Variants in ADGRL2 observed in about 807,000 individuals in gnomAD.
ADGRL2 encodes the protein calcium-independent alpha-latrotoxin receptor 2.
Under a neutral mutation model 157.4 loss-of-function variants are expected in ADGRL2, and 44 were observed. The ratio of observed to expected loss-of-function variants is 0.28; its 90% CI spans 0.22 to 0.36. ADGRL2 has a LOEUF of 0.36. ADGRL2 is among the 10% of genes least tolerant of loss of function. ADGRL2 has a pLI of 1.00. For missense variants in ADGRL2, 1,510 were observed against 1,768.9 expected, an observed-to-expected ratio of 0.85 and a Z score of 2.63; for synonymous variants, 585 against 624.7, an observed-to-expected ratio of 0.94 and a Z score of 0.95.
chr1:81,839,801 AT>A (rs979925117), intron 2 of ADGRL2, among the ~76,000 whole-genome samples: 1 of 141,844 alleles, frequency 7.1e-6, no homozygotes, highest in Admixed American at 7.1e-5. Context: ...ATATATATAT[AT>A]TTTCCATCAT....
At chr1:81,677,439 G>A (rs1178501483) in intron 3 of ADGRL2, among the ~76,000 whole-genome samples, 1 of 152,072 alleles carries the variant, frequency 6.6e-6, no homozygotes, top group Non-Finnish European at 1.5e-5. Context: ...GGTAAGATTC[G>A]AATAAACTAG....
At chr1:81,773,225 C>T (rs886435192) in intron 2 of ADGRL2, among the ~76,000 whole-genome samples, 4 of 152,172 alleles carry the variant, frequency 2.6e-5, no homozygotes, top group Admixed American at 1.3e-4. Context: ...TCCTAGGGAT[C>T]CATGAACCAG....
intron 2 of ADGRL2, among the ~76,000 whole-genome samples, chr1:81,838,557 T>C (rs111992356): frequency 2.0e-5 from 3 of 152,124 alleles, no homozygotes; most frequent in African/African-American, 7.2e-5. Context: ...AAATCTTGTG[T>C]GTAGTCTGAT....
intron 2 of ADGRL2, among the ~76,000 whole-genome samples, chr1:81,891,256 C>T (rs1432097351): frequency 2.0e-5 from 3 of 151,444 alleles, no homozygotes; most frequent in Non-Finnish European, 3.0e-5. Flanking sequence ...TGATGTTTTG[C>T]ATCATATTCC....
chr1:81,559,887 A>G (rs1300368994), intron 2 of ADGRL2, among the ~76,000 whole-genome samples: 1 of 144,758 alleles, frequency 6.9e-6, no homozygotes, highest in Non-Finnish European at 1.6e-5. Context: ...AATATTAAAC[A>G]TCTTTAATAA....
At chr1:81,815,873 T>C (rs983273116) in intron 1 of ADGRL2, among the ~76,000 whole-genome samples, 2 of 151,812 alleles carry the variant, frequency 1.3e-5, no homozygotes, top group Non-Finnish European at 3.0e-5. Context: ...TAGGTTAATA[T>C]TACATGATTA....
chr1:81,920,562 A>G (rs908221633), intron 3 of ADGRL2, among the ~76,000 whole-genome samples: 5 of 152,110 alleles, frequency 3.3e-5, no homozygotes, highest in African/African-American at 1.2e-4. Flanking sequence ...CCAGAGTACA[A>G]AGGATTGGCT....
intron 3 of ADGRL2, among the ~76,000 whole-genome samples, chr1:81,586,809 T>C (rs1444625788): frequency 6.6e-6 from 1 of 152,096 alleles, no homozygotes; most frequent in Non-Finnish European, 1.5e-5. Flanking sequence ...TCCTACCACC[T>C]TCAAAGAGGG....
intron 1 of ADGRL2, among the ~76,000 whole-genome samples, chr1:81,757,078 CTG>C (rs1354117087): frequency 1.3e-5 from 2 of 152,116 alleles, no homozygotes; most frequent in Non-Finnish European, 2.9e-5. Context: ...TCACCAGAGA[CTG>C]TGTTGGAGTA....
intron 2 of ADGRL2, among the ~76,000 whole-genome samples, chr1:81,518,873 C>G (rs1021955590): frequency 6.6e-6 from 1 of 151,852 alleles, no homozygotes; most frequent in African/African-American, 2.4e-5. Flanking sequence ...GAGCTGAGAA[C>G]TGTGCCTGGA....
At chr1:81,789,986 C>T (rs954999859) in intron 2 of ADGRL2, among the ~76,000 whole-genome samples, 3 of 152,034 alleles carry the variant, frequency 2.0e-5, no homozygotes, top group South Asian at 2.1e-4. Flanking sequence ...TATAATTTGT[C>T]GAAGATGTTT....
chr1:81,593,754 T>C (rs1463057533), intron 3 of ADGRL2, among the ~76,000 whole-genome samples: 1 of 152,164 alleles, frequency 6.6e-6, no homozygotes, highest in Non-Finnish European at 1.5e-5. Context: ...GTTCCTTCTG[T>C]AGACAAACAG....
chr1:81,470,006 G>A (rs2101860171), intron 2 of ADGRL2, among the ~76,000 whole-genome samples: 1 of 152,258 alleles, frequency 6.6e-6, no homozygotes, highest in Admixed American at 6.5e-5. Flanking sequence ...TCTGCAGAGG[G>A]CGATTCTGCA....
intron 2 of ADGRL2, among the ~76,000 whole-genome samples, chr1:81,859,462 A>G (rs1382122277): frequency 7.1e-6 from 1 of 141,110 alleles, no homozygotes; most frequent in African/African-American, 2.7e-5. Flanking sequence ...GCTGGTGTGC[A>G]GTGGCATGAT....
At chr1:81,432,379 T>C (rs901769268) in intron 1 of ADGRL2, among the ~76,000 whole-genome samples, 1 of 152,206 alleles carries the variant, frequency 6.6e-6, no homozygotes, top group Non-Finnish European at 1.5e-5. Context: ...TGGAGTTGGA[T>C]GTTGTCAAGG....
intron 3 of ADGRL2, among the ~76,000 whole-genome samples, chr1:81,662,541 G>A: frequency 6.6e-6 from 1 of 150,806 alleles, no homozygotes; most frequent in East Asian, 1.9e-4. Flanking sequence ...ATGACGCCCA[G>A]CTTCGTTCAT....
chr1:81,467,438 C>T (rs758915672), intron 2 of ADGRL2, among the ~76,000 whole-genome samples: 1 of 152,156 alleles, frequency 6.6e-6, no homozygotes, highest in Admixed American at 6.5e-5. Context: ...CTGCTATTAT[C>T]GAAAGCCAAA....
intron 2 of ADGRL2, among the ~76,000 whole-genome samples, chr1:81,787,125 G>T (rs557732718): frequency 6.6e-6 from 1 of 151,946 alleles, no homozygotes; most frequent in Admixed American, 6.6e-5. Context: ...TTCACCTCCC[G>T]CCATGATTCT....
chr1:81,458,899 G>A (rs1303640170), intron 2 of ADGRL2, among the ~76,000 whole-genome samples: 11 of 152,250 alleles, frequency 7.2e-5, no homozygotes, highest in South Asian at 4.1e-4. Flanking sequence ...AGCAAGTTCC[G>A]GATTCTTGTC....
Sources: gnomAD v4.1 joint callset for allele counts (sites outside exome capture counted in the v4.1 genomes callset) on GRCh38, gnomAD v4.1.1 for gene constraint, MANE v1.5 for transcripts, NCBI Gene and HGNC (gene_info 2026-07-23, HGNC 2026-07-21) for gene names.